KIFAP3: variants seen among roughly 807,000 people sequenced by gnomAD.
KIFAP3 encodes kinesin-associated protein 3.
In KIFAP3, 68 loss-of-function variants were observed where a neutral mutation model predicts 106.5. The ratio of observed to expected loss-of-function variants is 0.64; its 90% CI spans 0.53 to 0.78. The LOEUF is 0.78. Ranked by LOEUF, KIFAP3 falls within the 30% of genes least tolerant of loss-of-function variation. The pLI is 0.00. For missense variants in KIFAP3, 780 were observed against 941.8 expected (o/e 0.83, Z 2.25); for synonymous variants, 320 against 311.5 (o/e 1.03, Z -0.29).
intron 1 of KIFAP3, among the ~76,000 whole-genome samples, chr1:170,059,058 G>T (rs1670997149): frequency 6.6e-6 from 1 of 152,114 alleles, no homozygotes; most frequent in African/African-American, 2.4e-5. Flanking sequence ...ATGCCCACAA[G>T]AGTAAGCAGG....
Position 170,013,278 on chromosome 1 carries a change from C to T in KIFAP3, c.1183+3184G>A, listed in dbSNP as rs115817790. ...GATAACTGTGTATGAAATGATTAAA[C>T]ACCCTTAATAATATAAGCCTGGAGA... is the stretch of plus-strand genomic sequence containing the variant. On this transcript the variant is annotated intron_variant, in intron 10 of 19. Coordinates refer to ENST00000361580, the MANE Select transcript of KIFAP3 (RefSeq NM_014970.4). Among the ~76,000 whole-genome samples the T allele has an allele frequency of 7.1e-3, 1,078 of 152,140 alleles. 17 individuals carry two copies. The highest frequency in any genetic ancestry group is 0.024 in the African/African-American group (990 of 41,492).
intron 8 of KIFAP3, among the ~76,000 whole-genome samples, chr1:170,025,210 A>C (rs968783244): frequency 1.1e-4 from 17 of 152,112 alleles, no homozygotes; most frequent in Admixed American, 8.5e-4. Flanking sequence ...GTTTTAAGTA[A>C]AATTTCTTTC....
chr1:170,075,326 A>T (rs1366815395), upstream of KIFAP3, among the ~76,000 whole-genome samples: 1 of 152,168 alleles, frequency 6.6e-6, no homozygotes, highest in Non-Finnish European at 1.5e-5. Context: ...TTCAGCTATT[A>T]TGTCTATGCA....
chr1:170,057,939 C>G (rs971820576), intron 1 of KIFAP3, among the ~76,000 whole-genome samples: 1 of 152,070 alleles, frequency 6.6e-6, no homozygotes, highest in African/African-American at 2.4e-5. Flanking sequence ...AAACTAGAAC[C>G]AAAAGTGTGC....
At chr1:170,038,575 G>A in intron 4 of KIFAP3, 144 bp from the exon 5 acceptor site, 4 of 763,402 alleles carry the variant, frequency 5.2e-6, no homozygotes, top group South Asian at 1.8e-5. Flanking sequence ...TTTTGGATAT[G>A]GAAATTTTAG....
chr1:169,995,544 C>T lies in KIFAP3; in HGVS notation c.1184-3289G>A, dbSNP rs77258195. 7.1e-3 allele frequency among the ~76,000 whole-genome samples: 1,080 copies of T among 152,152 alleles called. 17 individuals carry two copies. The highest frequency in any genetic ancestry group is 0.024 in the African/African-American group (990 of 41,550). The stretch of plus-strand genomic sequence containing the variant: ...CTGAAAAGTAGGATTCCAAGTAATA[C>T]AACTTATTAAATGGTAAAAGAAACA... On this transcript the variant is annotated intron_variant, in intron 10 of 19. Coordinates refer to ENST00000361580, the MANE Select transcript of KIFAP3 (RefSeq NM_014970.4).
At chr1:169,970,115 T>C (rs1665828850) in intron 17 of KIFAP3, among the ~76,000 whole-genome samples, 1 of 152,030 alleles carries the variant, frequency 6.6e-6, no homozygotes, top group African/African-American at 2.4e-5. Flanking sequence ...TTCCCATGAT[T>C]GCCTTCATGG....
intron 9 of KIFAP3, among the ~76,000 whole-genome samples, chr1:170,019,206 A>G (rs1247959239): frequency 1.3e-5 from 2 of 152,130 alleles, no homozygotes; most frequent in Non-Finnish European, 2.9e-5. Flanking sequence ...ACAGAAAGAA[A>G]ATTCCAGGCC....
In KIFAP3 at chr1:169,976,382, G is replaced by A. The variant is rs147472458; in HGVS notation, c.1897+1703C>T. On this transcript the variant is annotated intron_variant, in intron 16 of 19. Transcript: ENST00000361580. The stretch of plus-strand genomic sequence containing the variant: ...AGAAGACTCTGTAGCAAGAAAACTT[G>A]TTAACTTTAACTCAGTGTTTCCCAA... Among the ~76,000 whole-genome samples, 17 of 151,976 alleles carry A rather than the reference G, an allele frequency of 1.1e-4. No homozygotes were observed. In the East Asian group the frequency reaches 3.3e-3, roughly 29 times the overall value.
chr1:170,018,368 G>A (rs1024233260), intron 9 of KIFAP3, among the ~76,000 whole-genome samples: 8 of 152,114 alleles, frequency 5.3e-5, no homozygotes, highest in African/African-American at 9.7e-5. Flanking sequence ...ATTGCATTAA[G>A]AGAACTTACT....
At chr1:170,008,910 C>G (rs949403478) in intron 10 of KIFAP3, among the ~76,000 whole-genome samples, 1 of 152,124 alleles carries the variant, frequency 6.6e-6, no homozygotes, top group Non-Finnish European at 1.5e-5. Context: ...AAATGTGGTG[C>G]ATATACAACA....
chr1:170,024,815 T>C, intron 8 of KIFAP3: 1 of 351,730 alleles, frequency 2.8e-6, no homozygotes, highest in Non-Finnish European at 5.1e-6. Context: ...AAAACACACA[T>C]ATAAAATAAT....
intron 18 of KIFAP3, among the ~76,000 whole-genome samples, chr1:169,960,238 A>T (rs1665251229): frequency 6.6e-6 from 1 of 152,132 alleles, no homozygotes; most frequent in African/African-American, 2.4e-5. Flanking sequence ...GCATAGTAGA[A>T]ACACATAGTA....
chr1:170,061,664 T>C (rs1262449993), intron 1 of KIFAP3, among the ~76,000 whole-genome samples: 2 of 152,136 alleles, frequency 1.3e-5, no homozygotes, highest in Non-Finnish European at 2.9e-5. Context: ...CATTACTGGG[T>C]ATATACACAA....
At chr1:169,928,910 G>A (rs539583315) in intron 19 of KIFAP3, among the ~76,000 whole-genome samples, 51 of 152,082 alleles carry the variant, frequency 3.4e-4, no homozygotes, top group Non-Finnish European at 6.3e-4. Flanking sequence ...TGTAGAAGAA[G>A]CTTGCCCCTA....
chr1:169,953,511 T>A (rs537811485), intron 19 of KIFAP3, among the ~76,000 whole-genome samples: 1 of 152,258 alleles, frequency 6.6e-6, no homozygotes, highest in East Asian at 1.9e-4. Context: ...TTGTTTTAGA[T>A]CTGTGATCCC....
At chr1:170,022,190 C>T (rs559725364) in intron 9 of KIFAP3, among the ~76,000 whole-genome samples, 3 of 151,990 alleles carry the variant, frequency 2.0e-5, no homozygotes, top group Admixed American at 1.3e-4. Context: ...CTCAGATGAT[C>T]GATCTGCCTT....
intron 19 of KIFAP3, among the ~76,000 whole-genome samples, chr1:169,937,335 TTTA>T (rs1401701493): frequency 6.6e-6 from 1 of 151,804 alleles, no homozygotes; most frequent in Admixed American, 6.6e-5. Context: ...TATTTTGTGC[TTTA>T]TAAAGTTAAT....
intron 1 of KIFAP3, among the ~76,000 whole-genome samples, chr1:170,082,412 C>A (rs1179820486): frequency 1.3e-5 from 2 of 152,102 alleles, no homozygotes; most frequent in East Asian, 3.8e-4. Flanking sequence ...AAGTGGTTGC[C>A]TTGTGCTAGT....
Sources: allele counts gnomAD v4.1 joint callset (sites outside exome capture counted in the v4.1 genomes callset), GRCh38; gene constraint gnomAD v4.1.1; transcripts MANE v1.5; gene names NCBI Gene and HGNC (gene_info 2026-07-23, HGNC 2026-07-21).